BNC2: variants seen among roughly 807,000 people sequenced by gnomAD.
BNC2 encodes zinc finger protein basonuclin-2.
BNC2 carries 20 observed loss-of-function variants against 76.3 expected under a neutral mutation model. The observed-to-expected ratio is 0.26, with a 90% CI of 0.18 to 0.38. The LOEUF (loss-of-function observed/expected upper bound fraction) is 0.38. BNC2 is among the 10% of genes least tolerant of loss of function. The pLI is 1.00. For missense variants in BNC2, 1,382 were observed against 1,399.8 expected, an observed-to-expected ratio of 0.99 and a Z score of 0.20; for synonymous variants, 582 against 514.8, an observed-to-expected ratio of 1.13 and a Z score of -1.77.
intron 3 of BNC2, among the ~76,000 whole-genome samples, chr9:16,607,247 C>A (rs1820412418): frequency 6.6e-6 from 1 of 152,060 alleles, no homozygotes; most frequent in South Asian, 2.1e-4. Context: ...CTGTGGTATC[C>A]AGTTTTAAAA....
intron 1 of BNC2, among the ~76,000 whole-genome samples, chr9:16,835,133 G>A (rs543909038): frequency 4.6e-5 from 7 of 152,238 alleles, no homozygotes; most frequent in African/African-American, 1.7e-4. Context: ...CACACAAATA[G>A]AGAAACAATT....
intron 1 of BNC2, among the ~76,000 whole-genome samples, chr9:16,774,618 T>C (rs537110302): frequency 5.9e-5 from 9 of 152,356 alleles, no homozygotes; most frequent in Admixed American, 5.2e-4. Context: ...TCTGAACATT[T>C]ACTAAAAACA....
chr9:16,784,671 C>T lies in BNC2; in HGVS notation c.4-46186G>A, dbSNP rs187198030. Among the ~76,000 whole-genome samples the T allele has an allele frequency of 3.3e-5, 5 of 152,280 alleles. No individual in the cohort carries two copies. The East Asian group carries it at 9.7e-4, about 29-fold the overall frequency. Reference sequence around the variant, plus strand: ...CAAAGTCAGAGGTGTTTTTAAAAGCCTCCAATCTCAATCACTAGAGTATCC... The same window carrying T: ...CAAAGTCAGAGGTGTTTTTAAAAGCTTCCAATCTCAATCACTAGAGTATCC... On this transcript the variant is annotated intron_variant, in intron 1 of 6. Coordinates refer to ENST00000380672, the MANE Select transcript of BNC2 (RefSeq NM_017637.6).
intron 5 of BNC2, among the ~76,000 whole-genome samples, chr9:16,513,802 A>T (rs1490742061): frequency 6.6e-6 from 1 of 152,120 alleles, no homozygotes; most frequent in South Asian, 2.1e-4. Flanking sequence ...GGGCCTGGGG[A>T]TTAGAGCTAC....
intron 3 of BNC2, among the ~76,000 whole-genome samples, chr9:16,602,742 A>G: frequency 6.6e-6 from 1 of 152,190 alleles, no homozygotes; most frequent in South Asian, 2.1e-4. Flanking sequence ...TTAGGTGGAA[A>G]TGACTTTTCA....
intron 5 of BNC2, among the ~76,000 whole-genome samples, chr9:16,478,037 A>G (rs1821964738): frequency 6.6e-6 from 1 of 152,170 alleles, no homozygotes; most frequent in African/African-American, 2.4e-5. Context: ...TCAGGCAGGA[A>G]AAAAAACCCA....
At chr9:16,525,793 C>A (rs1254514182) in intron 5 of BNC2, among the ~76,000 whole-genome samples, 1 of 152,154 alleles carries the variant, frequency 6.6e-6, no homozygotes, top group Admixed American at 6.5e-5. Flanking sequence ...TTATCAAACA[C>A]ACAGAAAGAT....
At chr9:16,588,028 G>C (rs1462226460) in intron 3 of BNC2, among the ~76,000 whole-genome samples, 7 of 152,096 alleles carry the variant, frequency 4.6e-5, no homozygotes, top group African/African-American at 1.7e-4. Flanking sequence ...CATGTCTGTT[G>C]GGCTTTCAAT....
intron 1 of BNC2, among the ~76,000 whole-genome samples, chr9:16,740,110 TTGTCC>T (rs1434920416): frequency 6.6e-6 from 1 of 152,194 alleles, no homozygotes; most frequent in East Asian, 1.9e-4. Context: ...AGCATCGTGA[TTGTCC>T]AACGTTCCAC....
intron 1 of BNC2, among the ~76,000 whole-genome samples, chr9:16,809,486 AAT>A (rs1175920580): frequency 6.6e-6 from 1 of 152,164 alleles, no homozygotes; most frequent in Non-Finnish European, 1.5e-5. Context: ...TATGCAAATA[AAT>A]ATGTGATACT....
intron 1 of BNC2, among the ~76,000 whole-genome samples, chr9:16,834,378 G>A (rs1230424800): frequency 6.6e-6 from 1 of 152,150 alleles, no homozygotes; most frequent in African/African-American, 2.4e-5. Flanking sequence ...TTTGAAAACT[G>A]TAGCCACTTA....
chr9:16,765,843 G>A (rs1008807504), intron 1 of BNC2, among the ~76,000 whole-genome samples: 289 of 150,904 alleles, frequency 1.9e-3, no homozygotes, highest in Non-Finnish European at 3.4e-3. Flanking sequence ...CTGGAGTGCA[G>A]TGGCACGATC....
intron 1 of BNC2, among the ~76,000 whole-genome samples, chr9:16,770,866 C>A (rs552456178): frequency 6.6e-6 from 1 of 151,948 alleles, no homozygotes; most frequent in African/African-American, 2.4e-5. Flanking sequence ...AAGCAAGACC[C>A]TGTCACAAAA....
rs188576611 is a variant in BNC2 at position 16,461,023 on chromosome 9, G to A, written c.670-23499C>T. Among the ~76,000 whole-genome samples the A allele has an allele frequency of 3.1e-3, 472 of 151,636 alleles. 3 individuals are homozygous for A. The highest frequency in any genetic ancestry group is 0.011 in the African/African-American group (445 of 41,328). On this transcript the variant is annotated intron_variant, in intron 5 of 6. Coordinates refer to ENST00000380672, the MANE Select transcript of BNC2 (RefSeq NM_017637.6). The stretch of plus-strand genomic sequence containing the variant: ...ATAGTATACAGTAAGTACCATAATA[G>A]ACTTTTAAGGATAACATTTTTAATT...
rs572640085 is a variant in BNC2 at position 16,745,937 on chromosome 9, T to C, written c.4-7452A>G. ...GACCTTTTTTGAAAAGAAAAAAATA[T>C]TGATATTGTGAATATGAGACAAGTC... On this transcript the variant is annotated intron_variant, in intron 1 of 6. Coordinates refer to ENST00000380672, the MANE Select transcript of BNC2 (RefSeq NM_017637.6). Among the ~76,000 whole-genome samples, 39 of 152,302 alleles carry C rather than the reference T, an allele frequency of 2.6e-4. No homozygotes were observed. The South Asian group carries it at 6.2e-3, about 24-fold the overall frequency.
At chr9:16,739,324 A>C (rs1255241502) in intron 1 of BNC2, among the ~76,000 whole-genome samples, 1 of 152,226 alleles carries the variant, frequency 6.6e-6, no homozygotes, top group Non-Finnish European at 1.5e-5. Context: ...TGGCAACAGT[A>C]TGACAGATGG....
intron 1 of BNC2, among the ~76,000 whole-genome samples, chr9:16,789,330 C>A (rs1349192074): frequency 6.6e-6 from 1 of 151,900 alleles, no homozygotes. Context: ...ACACACCAAA[C>A]AATACAATAA....
At chr9:16,859,242 C>T (rs1266412243) in intron 1 of BNC2, among the ~76,000 whole-genome samples, 3 of 151,606 alleles carry the variant, frequency 2.0e-5, no homozygotes, top group Non-Finnish European at 2.9e-5. Flanking sequence ...AACCCTTGTG[C>T]ACTGTTGGCA....
chr9:16,794,554 A>G (rs973179616), intron 1 of BNC2, among the ~76,000 whole-genome samples: 1 of 152,194 alleles, frequency 6.6e-6, no homozygotes, highest in Non-Finnish European at 1.5e-5. Context: ...AAGATGCACT[A>G]TAGTCATTAT....
Sources: allele counts gnomAD v4.1 joint callset (sites outside exome capture counted in the v4.1 genomes callset), GRCh38; gene constraint gnomAD v4.1.1; transcripts MANE v1.5; gene names NCBI Gene and HGNC (gene_info 2026-07-23, HGNC 2026-07-21).